USP24: variants seen among roughly 807,000 people sequenced by gnomAD.
USP24 encodes the protein ubiquitin carboxyl-terminal hydrolase 24.
USP24 carries 97 observed loss-of-function variants against 361.6 expected under a neutral mutation model. That is an observed-to-expected ratio of 0.27 (90% CI 0.23 to 0.32). USP24 has a LOEUF of 0.32. Ranked by LOEUF, USP24 falls within the 10% of genes least tolerant of loss-of-function variation. The pLI, the probability that USP24 is intolerant of heterozygous loss-of-function variation, is 1.00. For missense variants in USP24, 2,353 were observed against 3,165.6 expected (o/e 0.74, Z 6.16); for synonymous variants, 1,098 against 1,124.6 (o/e 0.98, Z 0.47).
intron 1 of USP24, among the ~76,000 whole-genome samples, chr1:55,204,819 A>G (rs1644663377): frequency 3.3e-5 from 5 of 152,352 alleles, no homozygotes; most frequent in Admixed American, 2.6e-4. Context: ...AAACTGGGTC[A>G]TGGCTGTTTT....
intron 55 of USP24, 127 bp downstream of exon 55, chr1:55,089,500 G>T: frequency 1.5e-6 from 1 of 661,662 alleles, no homozygotes; most frequent in Admixed American, 3.1e-5. Flanking sequence ...TCAGTGAAGA[G>T]AGTTTAAAAT....
At chr1:55,187,751 C>T (rs1644173103) in intron 1 of USP24, among the ~76,000 whole-genome samples, 2 of 152,000 alleles carry the variant, frequency 1.3e-5, no homozygotes, top group African/African-American at 4.8e-5. Flanking sequence ...ACACTGAAAA[C>T]TACAAAGCAT....
intron 63 of USP24, among the ~76,000 whole-genome samples, chr1:55,074,658 A>G (rs936927268): frequency 6.7e-6 from 1 of 150,134 alleles, no homozygotes; most frequent in Non-Finnish European, 1.5e-5. Context: ...AAATAAATAA[A>G]TAAATAAATA....
chr1:55,124,028 G>T (rs1646356489), intron 35 of USP24, among the ~76,000 whole-genome samples: 1 of 152,102 alleles, frequency 6.6e-6, no homozygotes, highest in African/African-American at 2.4e-5. Flanking sequence ...TATTATTGAG[G>T]TATTTCTAAA....
chr1:55,102,684 A>C (rs1302852298), intron 42 of USP24, among the ~76,000 whole-genome samples: 1 of 151,686 alleles, frequency 6.6e-6, no homozygotes, highest in African/African-American at 2.4e-5. Flanking sequence ...TCCAAAGCAT[A>C]GATTTAAAAA....
Position 55,138,647 on chromosome 1 carries a change from A to G in USP24, c.2889T>C (p.Asn963=), listed in dbSNP as rs1646803843. 3 of 1,613,012 alleles carry G rather than the reference A, an allele frequency of 1.9e-6. No homozygotes were observed. In the Admixed American group the frequency reaches 5.0e-5, roughly 27 times the overall value. Residue 963 remains asparagine, a synonymous_variant, in exon 26 of 68, where the codon AAT becomes AAC. Coordinates refer to ENST00000294383, the MANE Select transcript of USP24 (RefSeq NM_015306.3). The part of the protein sequence containing the change: ...ASFHGHLLTL[N]VTYESTKDTF... ...TATCTTTGGTAGACTCATAGGTAACATTAAGGGTTAAAAGATGTCCATGAA... is the reference window on the plus strand; with the variant it reads ...TATCTTTGGTAGACTCATAGGTAACGTTAAGGGTTAAAAGATGTCCATGAA...
At chr1:55,175,226 T>C (rs1203997811) in intron 3 of USP24, among the ~76,000 whole-genome samples, 1 of 136,118 alleles carries the variant, frequency 7.3e-6, no homozygotes, top group Non-Finnish European at 1.6e-5. Flanking sequence ...TCTCTTTTTT[T>C]TTTTTTTTTT....
chr1:55,177,876 A>C, intron 2 of USP24, 91 bp downstream of exon 2: 1 of 1,246,380 alleles, frequency 8.0e-7, no homozygotes, highest in Non-Finnish European at 1.1e-6. Flanking sequence ...CTGTCCAATA[A>C]CACACAGCTA....
intron 24 of USP24, among the ~76,000 whole-genome samples, chr1:55,139,605 C>T (rs1221279012): frequency 6.6e-6 from 1 of 152,140 alleles, no homozygotes; most frequent in Non-Finnish European, 1.5e-5. Context: ...CTAAAAAGAA[C>T]ATTACATGTA....
chr1:55,078,681 T>G, intron 60 of USP24, 30 bp from the exon 61 acceptor site: 1 of 1,554,314 alleles, frequency 6.4e-7, no homozygotes, highest in East Asian at 2.3e-5. Flanking sequence ...CAGTCAGCTA[T>G]TCTCATGTCA....
intron 45 of USP24, 115 bp downstream of exon 45, chr1:55,099,656 A>C: frequency 2.8e-6 from 2 of 717,510 alleles, no homozygotes; most frequent in Non-Finnish European, 4.8e-6. Flanking sequence ...TTCTTATGTT[A>C]AAGATAATCA....
intron 41 of USP24, among the ~76,000 whole-genome samples, chr1:55,105,354 A>C (rs922840743): frequency 5.9e-5 from 9 of 152,188 alleles, no homozygotes; most frequent in Non-Finnish European, 1.3e-4. Flanking sequence ...AGATTTTGCT[A>C]ATGAGGCAAC....
intron 58 of USP24, among the ~76,000 whole-genome samples, chr1:55,082,231 T>A (rs985960543): frequency 5.3e-5 from 8 of 152,216 alleles, no homozygotes; most frequent in African/African-American, 1.9e-4. Flanking sequence ...CACCAATGCA[T>A]TAGCTTTGTG....
intron 12 of USP24, among the ~76,000 whole-genome samples, chr1:55,154,998 T>G (rs1018898480): frequency 6.6e-6 from 1 of 151,992 alleles, no homozygotes. Context: ...GCATTAATTC[T>G]TTAAACCGAC....
Position 55,106,256 on chromosome 1 carries a change from T to A in USP24, c.4770A>T (p.Ser1590=). Residue 1590 remains serine, a synonymous_variant, in exon 41 of 68, where the codon TCA becomes TCT. Coordinates refer to ENST00000294383, the MANE Select transcript of USP24 (RefSeq NM_015306.3). The part of the protein sequence containing the change: ...CGAEKEMLGS[S]LIKPLLDDFL... ...AGTCATCTAACAATGGTTTAATGAG[T>A]GATGAACCTGGAATAGAGCATAATA... 6.2e-7 allele frequency: 1 copy of A among 1,601,566 alleles called. No individual in the cohort carries two copies.
chr1:55,163,055 C>T (rs1246911310), intron 7 of USP24, among the ~76,000 whole-genome samples: 2 of 151,836 alleles, frequency 1.3e-5, no homozygotes, highest in Admixed American at 6.6e-5. Flanking sequence ...GATTATTCAA[C>T]AGAGGATCTA....
intron 42 of USP24, 115 bp downstream of exon 42, chr1:55,103,761 A>C: frequency 1.7e-6 from 2 of 1,212,112 alleles, no homozygotes; most frequent in Non-Finnish European, 2.2e-6. Flanking sequence ...CACAGTAAGC[A>C]AAATAGTAAT....
At chr1:55,188,859 C>G (rs1388082219) in intron 1 of USP24, among the ~76,000 whole-genome samples, 1 of 148,950 alleles carries the variant, frequency 6.7e-6, no homozygotes, top group Non-Finnish European at 1.5e-5. Flanking sequence ...ACTAGGGAGG[C>G]TGAGGTAGGA....
At chr1:55,141,344 A>C (rs1285428733) in intron 24 of USP24, among the ~76,000 whole-genome samples, 2 of 152,212 alleles carry the variant, frequency 1.3e-5, no homozygotes, top group Admixed American at 1.3e-4. Context: ...TCAAATAAAA[A>C]CTAAAACAAG....
Sources: gnomAD v4.1 joint callset for allele counts (sites outside exome capture counted in the v4.1 genomes callset) on GRCh38, gnomAD v4.1.1 for gene constraint, MANE v1.5 for transcripts, NCBI Gene and HGNC (gene_info 2026-07-23, HGNC 2026-07-21) for gene names.